The following PCDHA1 variants were observed in gnomAD, a reference collection of about 807,000 sequenced individuals.
PCDHA1 encodes protocadherin alpha-1.
PCDHA1 carries 42 observed loss-of-function variants against 61.3 expected under a neutral mutation model. The ratio of observed to expected loss-of-function variants is 0.69; its 90% confidence interval spans 0.54 to 0.89. PCDHA1 has a LOEUF of 0.89. Ranked by LOEUF, PCDHA1 falls within the 40% of genes least tolerant of loss-of-function variation. The pLI, the probability that PCDHA1 is intolerant of heterozygous loss-of-function variation, is 0.00. For synonymous variants in PCDHA1, 610 were observed against 553.8 expected, an observed-to-expected ratio of 1.10 and a Z score of -1.43; for missense variants, 1,256 against 1,235.3, an observed-to-expected ratio of 1.02 and a Z score of -0.25.
chr5:140,928,081 C>T (rs782268064), intron 1 of PCDHA1: 1 of 1,614,090 alleles, frequency 6.2e-7, no homozygotes, highest in Non-Finnish European at 8.5e-7. Context: ...CTACTACAGC[C>T]TGCTGATTGA....
chr5:140,869,205 C>T (rs782278064), intron 1 of PCDHA1: 1 of 1,613,994 alleles, frequency 6.2e-7, no homozygotes, highest in Non-Finnish European at 8.5e-7. Flanking sequence ...TCCACTACTC[C>T]GTCTCGGAGG....
rs781935630 is a variant in PCDHA1 at position 140,786,515 on chromosome 5, G to C, written c.225G>C (p.Leu75=). The change falls in exon 1 of 4, where the codon CTG becomes CTC. Residue 75 remains leucine, a synonymous_variant. Transcript: ENST00000504120. ...RVASKTHRDL[L]EVNLQNGILF... is the part of the protein sequence containing the mutation. Reference sequence around the variant, plus strand: ...CGTCCAAAACACACAGGGACCTTCTGGAGGTAAATCTGCAGAATGGCATTT... The same window carrying C: ...CGTCCAAAACACACAGGGACCTTCTCGAGGTAAATCTGCAGAATGGCATTT... 1.2e-6 allele frequency: 2 copies of C among 1,614,090 alleles called. No homozygotes were observed. Among genetic ancestry groups the C allele is most frequent in the African/African-American group, 1.3e-5 (1 of 75,068 alleles).
At chr5:140,956,890 G>T (rs2095318198) in intron 1 of PCDHA1, among the ~76,000 whole-genome samples, 3 of 152,136 alleles carry the variant, frequency 2.0e-5, no homozygotes, top group Non-Finnish European at 4.4e-5. Context: ...ATCAATGAAT[G>T]AATATTCTTA....
Position 140,882,583 on chromosome 5 carries a change from C to T in PCDHA1, c.2394+93899C>T, listed in dbSNP as rs143956549. ...GGCGGAGCGCGGAGTGCAGCATCCA[C>T]CTGGAGGTGATCGTGGACAGGCCTC... On this transcript the variant is annotated intron_variant, in intron 1 of 3. Coordinates refer to ENST00000504120, the MANE Select transcript of PCDHA1 (RefSeq NM_018900.4). 2.3e-3 allele frequency: 3,635 copies of T among 1,614,232 alleles called. 15 individuals are homozygous for T. Among genetic ancestry groups the T allele is most frequent in the Middle Eastern group, 9.6e-3 (58 of 6,060 alleles).
In PCDHA1 at chr5:140,809,158, C is replaced by A. The variant is rs782790826; in HGVS notation, c.2394+20474C>A. 5 of 1,613,830 alleles carry A rather than the reference C, an allele frequency of 3.1e-6. No individual in the cohort carries two copies. In the African/African-American group the frequency reaches 6.7e-5, roughly 22 times the overall value. ...TACTGGTGAAGGACCACGGCGAGCC[C>A]GCGCTGACGGCCACGGCCACTGTGC... On this transcript the variant is annotated intron_variant, in intron 1 of 3. Transcript: ENST00000504120.
chr5:140,807,102 G>A (rs1020956208), intron 1 of PCDHA1: 3 of 1,423,066 alleles, frequency 2.1e-6, no homozygotes, highest in African/African-American at 1.4e-5. Context: ...TATGGAGGAT[G>A]CAGCTGCACT....
At chr5:140,814,355 A>G (rs1266243705) in intron 1 of PCDHA1, 1 of 151,928 alleles carries the variant, frequency 6.6e-6, no homozygotes, top group African/African-American at 2.4e-5. Context: ...GGGCAGTTAC[A>G]CATGCGATGC....
intron 1 of PCDHA1, chr5:140,861,434 CA>C: frequency 4.1e-6 from 2 of 489,520 alleles, no homozygotes; most frequent in Non-Finnish European, 4.2e-6. Context: ...AGTTGGATTC[CA>C]AAAGCCGCAG....
intron 1 of PCDHA1, chr5:140,803,569 T>C (rs898664223): frequency 1.2e-6 from 2 of 1,614,248 alleles, no homozygotes; most frequent in Non-Finnish European, 8.5e-7. Flanking sequence ...AAACAGGATG[T>C]GGACGTTGAT....
rs371906545 is a variant in PCDHA1, at chr5:140,875,244, A to C, written c.2394+86560A>C. 9 of 951,720 alleles carry C rather than the reference A, an allele frequency of 9.5e-6. No homozygotes were observed. The East Asian group carries it at 2.2e-4, about 24-fold the overall frequency. The allele number at this position is 951,720 out of a possible 1,614,324, so 59.0% of individuals were successfully genotyped here. A position where few individuals can be genotyped will look rare whatever the true frequency, so the allele number is the denominator to read the frequency against. ...TCAGGATCTTTCTTGTACTTACATA[A>C]TCAGTCACATGATGTCGCTCTACAC... On this transcript the variant is annotated intron_variant, in intron 1 of 3. Transcript: ENST00000504120.
rs1554263543 is a variant in PCDHA1, at chr5:141,011,545, G to A, written c.*1608G>A. 1 of 153,624 alleles carries A rather than the reference G, an allele frequency of 6.5e-6. No individual in the cohort carries two copies. Among genetic ancestry groups the A allele is most frequent in the Non-Finnish European group, 1.5e-5 (1 of 68,004 alleles). 9.5% of individuals were successfully genotyped at this position (153,624 alleles called of 1,614,324 possible). A position where few individuals can be genotyped will look rare whatever the true frequency, so the allele number is the denominator to read the frequency against. Reference sequence around the variant, plus strand: ...TTAACCATTGTTAATCAGCTTTTGTGTATGAAAGACACAGTAAAATTTCTT... The same window carrying A: ...TTAACCATTGTTAATCAGCTTTTGTATATGAAAGACACAGTAAAATTTCTT... On this transcript the variant is annotated 3_prime_UTR_variant, in exon 4 of 4. Coordinates refer to ENST00000504120, the MANE Select transcript of PCDHA1 (RefSeq NM_018900.4).
intron 3 of PCDHA1, among the ~76,000 whole-genome samples, chr5:140,994,862 G>A (rs1434007632): frequency 1.3e-5 from 2 of 152,174 alleles, no homozygotes; most frequent in African/African-American, 4.8e-5. Flanking sequence ...TTTGATGGAT[G>A]TGGTAGAATA....
intron 1 of PCDHA1, among the ~76,000 whole-genome samples, chr5:140,887,995 G>A (rs537858803): frequency 8.5e-5 from 13 of 152,066 alleles, no homozygotes; most frequent in South Asian, 6.2e-4. Context: ...TGTCTCCACC[G>A]AATAGTCATC....
At chr5:140,806,488 C>G (rs1763738573) in intron 1 of PCDHA1, among the ~76,000 whole-genome samples, 1 of 152,216 alleles carries the variant, frequency 6.6e-6, no homozygotes, top group Non-Finnish European at 1.5e-5. Context: ...TCAGCCCTGA[C>G]ATGACTCAAG....
intron 3 of PCDHA1, among the ~76,000 whole-genome samples, chr5:140,984,938 G>A (rs1355399601): frequency 2.0e-5 from 3 of 151,924 alleles, no homozygotes; most frequent in Non-Finnish European, 2.9e-5. Flanking sequence ...GTTAATAAAT[G>A]TCTAATCTTT....
At chr5:140,796,777 G>A in intron 1 of PCDHA1, 3 of 1,614,152 alleles carry the variant, frequency 1.9e-6, no homozygotes, top group Non-Finnish European at 2.5e-6. Context: ...AGGCTACAAC[G>A]CGTGGCTTTC....
At chr5:140,960,455 T>A (rs1585839337) in intron 1 of PCDHA1, among the ~76,000 whole-genome samples, 3 of 152,274 alleles carry the variant, frequency 2.0e-5, no homozygotes, top group African/African-American at 7.2e-5. Flanking sequence ...ATGGATAATT[T>A]TGAGAAGTAA....
chr5:140,836,493 A>T (rs1554136006), intron 1 of PCDHA1: 4 of 1,613,732 alleles, frequency 2.5e-6, no homozygotes, highest in Admixed American at 1.7e-5. Context: ...GATCATCGCC[A>T]TCTGCGCGGT....
intron 1 of PCDHA1, among the ~76,000 whole-genome samples, chr5:140,789,499 ACACCATTTATTGGGC>A (rs1234732261): frequency 6.6e-6 from 1 of 151,910 alleles, no homozygotes; most frequent in Non-Finnish European, 1.5e-5. Context: ...CAAACAAAAA[ACACCATTTATTGGGC>A]GATTTGTTTA....
Sources: gnomAD v4.1 joint callset for allele counts (sites outside exome capture counted in the v4.1 genomes callset) on GRCh38, gnomAD v4.1.1 for gene constraint, MANE v1.5 for transcripts, NCBI Gene and HGNC (gene_info 2026-07-23, HGNC 2026-07-21) for gene names.